Variants in PRH1 observed in about 807,000 individuals in gnomAD.
PRH1 encodes the protein proline rich protein HaeIII subfamily 1, also known as salivary acidic proline-rich phosphoprotein 1/2.
Under a neutral mutation model 7.9 loss-of-function variants are expected in PRH1, and 7 were observed. The ratio of observed to expected loss-of-function variants is 0.89; its 90% CI spans 0.50 to 1.67. The LOEUF is 1.67. Ranked by LOEUF, PRH1 falls within the 40% of genes most tolerant of loss-of-function variation. PRH1 has a pLI of 0.00. For synonymous variants in PRH1, 45 were observed against 80.8 expected (o/e 0.56, Z 2.38); for missense variants, 109 against 223.6 (o/e 0.49, Z 3.27).
chr12:10,991,640 A>G (rs1404254613), intron 1 of PRH1, among the ~76,000 whole-genome samples: 1 of 152,194 alleles, frequency 6.6e-6, no homozygotes, highest in East Asian at 1.9e-4. Flanking sequence ...TCTCTATTGA[A>G]CCATGTGGCT....
intron 1 of PRH1, among the ~76,000 whole-genome samples, chr12:10,974,932 G>T (rs1055556442): frequency 6.6e-6 from 1 of 152,054 alleles, no homozygotes; most frequent in African/African-American, 2.4e-5. Context: ...AATACAAAAC[G>T]GTTATTTTAA....
chr12:11,101,895 C>A (rs1945263605), intron 1 of PRH1, among the ~76,000 whole-genome samples: 1 of 151,962 alleles, frequency 6.6e-6, no homozygotes. Context: ...TCTTATACAC[C>A]AATAACAGAC....
At chr12:11,016,247 A>T (rs893615036) in intron 1 of PRH1, among the ~76,000 whole-genome samples, 19 of 151,940 alleles carry the variant, frequency 1.3e-4, no homozygotes, top group African/African-American at 4.6e-4. Flanking sequence ...ACCTTATAAA[A>T]GTGTCTGCTT....
chr12:11,039,497 A>G (rs914515692), intron 1 of PRH1, among the ~76,000 whole-genome samples: 2 of 152,258 alleles, frequency 1.3e-5, no homozygotes, highest in African/African-American at 4.8e-5. Context: ...TAGCATGCCA[A>G]TGAAGAGTTT....
intron 1 of PRH1, chr12:11,061,727 G>A (rs779108518): frequency 1.1e-5 from 16 of 1,522,148 alleles, no homozygotes; most frequent in South Asian, 2.3e-5. Flanking sequence ...ATCAGGGTCA[G>A]AGTGAAGGGA....
intron 1 of PRH1, among the ~76,000 whole-genome samples, chr12:11,028,179 G>C (rs1942011303): frequency 6.6e-6 from 1 of 152,118 alleles, no homozygotes; most frequent in African/African-American, 2.4e-5. Context: ...CACCACCAAG[G>C]GACTGGATGA....
chr12:10,985,579 A>T (rs1565522241), intron 1 of PRH1, among the ~76,000 whole-genome samples: 1 of 152,166 alleles, frequency 6.6e-6, no homozygotes, highest in Non-Finnish European at 1.5e-5. Flanking sequence ...AACAATTATA[A>T]GTAAAGATCA....
In PRH1 at chr12:11,030,977, T is replaced by G. The variant is rs72475488; in HGVS notation, c.-126+16043A>C. The G allele has an allele frequency of 3.9e-6, 6 of 1,542,348 alleles. No individual in the cohort carries two copies. The Admixed American group carries it at 8.7e-5, about 22-fold the overall frequency. ...GACACTCTTAACTCTCCTCTTTAAG[T>G]GAAGAAAAATAAGGTTGGAGAAATT... is the stretch of plus-strand genomic sequence containing the variant. On this transcript the variant is annotated intron_variant, in intron 1 of 3. Transcript: ENST00000539853.
At chr12:10,995,869 A>G (rs1940200377) in intron 1 of PRH1, among the ~76,000 whole-genome samples, 1 of 152,138 alleles carries the variant, frequency 6.6e-6, no homozygotes. Flanking sequence ...TCCTTTTTAT[A>G]GAAATGATTT....
chr12:11,084,553 G>C (rs1431533185), intron 1 of PRH1, among the ~76,000 whole-genome samples: 2 of 148,974 alleles, frequency 1.3e-5, no homozygotes, highest in African/African-American at 2.5e-5. Flanking sequence ...ACAATTCTAG[G>C]AGCAGTGTAT....
chr12:11,051,330 T>A (rs1358881449), upstream of PRH1, among the ~76,000 whole-genome samples: 1 of 152,204 alleles, frequency 6.6e-6, no homozygotes, highest in African/African-American at 2.4e-5. Flanking sequence ...CTAATTAAAA[T>A]CTTTTAGAGC....
chr12:11,133,801 G>T (rs764709028), intron 1 of PRH1: 6 of 1,613,996 alleles, frequency 3.7e-6, no homozygotes, highest in Non-Finnish European at 5.1e-6. Context: ...TCTCATCCAT[G>T]TTTATCACAA....
At chr12:11,064,918 A>C (rs1053778677) in intron 1 of PRH1, among the ~76,000 whole-genome samples, 5 of 152,022 alleles carry the variant, frequency 3.3e-5, no homozygotes, top group African/African-American at 1.2e-4. Context: ...GCCAGGCATA[A>C]GGAAGCTACT....
chr12:11,025,551 T>C (rs1941866443), intron 1 of PRH1, among the ~76,000 whole-genome samples: 1 of 152,306 alleles, frequency 6.6e-6, no homozygotes, highest in Non-Finnish European at 1.5e-5. Flanking sequence ...TGCCTGAAGT[T>C]TGAGATTACT....
Position 10,997,760 on chromosome 12 carries a change from T to C in PRH1, c.-125-24039A>G, listed in dbSNP as rs144230027. The C allele has an allele frequency of 4.4e-5, 71 of 1,613,846 alleles. No homozygotes were observed. In the Admixed American group the frequency reaches 7.8e-4, roughly 18 times the overall value. On this transcript the variant is annotated intron_variant, in intron 1 of 3. Transcript: ENST00000539853. Reference sequence around the variant, plus strand: ...AATTTGATCAGCTGAGGAGATCTTTTGTCTCTTGACCCAGGCAATGAAATT... The same window carrying C: ...AATTTGATCAGCTGAGGAGATCTTTCGTCTCTTGACCCAGGCAATGAAATT...
At chr12:10,938,747 G>A in intron 2 of PRH1, 2 of 1,613,648 alleles carry the variant, frequency 1.2e-6, no homozygotes, top group Non-Finnish European at 1.7e-6. Context: ...ATTGATACTG[G>A]CATTTATATG....
intron 1 of PRH1, among the ~76,000 whole-genome samples, chr12:11,003,281 T>C (rs1373826209): frequency 6.6e-6 from 1 of 152,026 alleles, no homozygotes; most frequent in Non-Finnish European, 1.5e-5. Context: ...TTACTTAATA[T>C]TTCTGCTTTT....
intron 1 of PRH1, chr12:10,997,624 A>C (rs1233573107): frequency 6.2e-7 from 1 of 1,613,738 alleles, no homozygotes; most frequent in Non-Finnish European, 8.5e-7. Context: ...AGGCATTAGA[A>C]ATAAAAATTA....
intron 1 of PRH1, among the ~76,000 whole-genome samples, chr12:10,980,450 CATT>C (rs1172684945): frequency 6.6e-6 from 1 of 152,084 alleles, no homozygotes; most frequent in Non-Finnish European, 1.5e-5. Context: ...CAAGTGAAAA[CATT>C]ATTGATCCTC....
Sources: allele counts gnomAD v4.1 joint callset (sites outside exome capture counted in the v4.1 genomes callset), GRCh38; gene constraint gnomAD v4.1.1; transcripts MANE v1.5; gene names NCBI Gene and HGNC (gene_info 2026-07-23, HGNC 2026-07-21).